The following ARSG variants were observed in gnomAD, a reference collection of about 807,000 sequenced individuals.
ARSG encodes the protein ASG.
A neutral mutation model predicts 50.5 loss-of-function variants in ARSG; 37 were observed. The ratio of observed to expected loss-of-function variants is 0.73; its 90% CI spans 0.56 to 0.96. The LOEUF is 0.96. Among genes scored for constraint, ARSG ranks in the 50% least tolerant of loss-of-function variants. ARSG has a pLI of 0.00. For synonymous variants in ARSG, 225 were observed against 254.6 expected (o/e 0.88, Z 1.11); for missense variants, 629 against 675.3 (o/e 0.93, Z 0.76).
chr17:68,443,599 T>C, the ARSG span, among the ~76,000 whole-genome samples: 13 of 152,152 alleles, frequency 8.5e-5, no homozygotes, highest in Non-Finnish European at 1.8e-4. Flanking sequence ...CCCTGGGAGA[T>C]GGGTATTATT....
At chr17:68,338,922 C>T (rs116162546) in intron 2 of ARSG, among the ~76,000 whole-genome samples, 281 of 152,350 alleles carry the variant, frequency 1.8e-3, no homozygotes, top group African/African-American at 6.6e-3. Context: ...GCCCCAGTAG[C>T]TGTTGCTGCT....
At position 68,419,648 on chromosome 17, in the gene ARSG, G is replaced by A. The variant is rs114636363; in HGVS notation, c.1304-541G>A. Among the ~76,000 whole-genome samples the A allele has an allele frequency of 8.5e-3, 1,296 of 152,264 alleles. 13 individuals carry two copies. Among genetic ancestry groups the A allele is most frequent in the African/African-American group, 0.029 (1,187 of 41,544 alleles). The stretch of plus-strand genomic sequence containing the variant: ...TGAATGTTCTACTGGCCCTGAAGGC[G>A]AGTTCAAGGAGAACTTCCAAATCAT... On this transcript the variant is annotated intron_variant, in intron 11 of 11. Transcript: ENST00000621439.
chr17:68,395,643 AT>A (rs1243150880), intron 10 of ARSG, among the ~76,000 whole-genome samples: 2 of 152,236 alleles, frequency 1.3e-5, no homozygotes, highest in African/African-American at 4.8e-5. Context: ...GGGTGGGTGT[AT>A]ATAGGTTCTC....
At chr17:68,420,908 A>G (rs894988523), downstream of ARSG, 1 of 172,818 alleles carries the variant, frequency 5.8e-6, no homozygotes, top group Non-Finnish European at 1.2e-5. Flanking sequence ...CATTCTAATT[A>G]GTATTTAGGG....
At chr17:68,416,941 ATAAC>A (rs1420357870) in intron 11 of ARSG, among the ~76,000 whole-genome samples, 1 of 152,122 alleles carries the variant, frequency 6.6e-6, no homozygotes, top group African/African-American at 2.4e-5. Flanking sequence ...AATTAGCTTA[ATAAC>A]TAACCTCCTG....
At chr17:68,379,332 C>T (rs185396648) in intron 8 of ARSG, among the ~76,000 whole-genome samples, 53 of 151,376 alleles carry the variant, frequency 3.5e-4, no homozygotes, top group South Asian at 1.0e-3. Context: ...CCTTGACCTC[C>T]GGGGCTCAAG....
Position 68,378,883 on chromosome 17 carries a change from G to A in ARSG, c.983-6181G>A, listed in dbSNP as rs55946942. 1.4e-5 allele frequency among the ~76,000 whole-genome samples: 2 copies of A among 144,880 alleles called. No homozygotes were observed. The highest frequency in any genetic ancestry group is 5.0e-5 in the African/African-American group (2 of 40,060). The stretch of plus-strand genomic sequence containing the variant: ...ATCAGGTTGTTGCATAACCTTTCCC[G>A]CTGGGAAGCAGTCTCTGCATCCTGG... On this transcript the variant is annotated intron_variant, in intron 8 of 11. Coordinates refer to ENST00000621439, the MANE Select transcript of ARSG (RefSeq NM_001267727.2). The surrounding 1 kb of genome is among the most constrained non-coding windows in gnomAD (Gnocchi z 4.4).
Position 68,309,250 on chromosome 17 carries a change from C to T in ARSG, c.218+1539C>T, listed in dbSNP as rs184564094. ...CGCCCACCCGGAACTCCAGCTGGCC[C>T]ACAAGCGCAGCACGCAGCCCCAGTT... On this transcript the variant is annotated intron_variant, in intron 2 of 11. Transcript: ENST00000621439. 3.3e-3 allele frequency among the ~76,000 whole-genome samples: 505 copies of T among 152,366 alleles called. 6 individuals carry two copies. Among genetic ancestry groups the T allele is most frequent in the Middle Eastern group, 3.4e-3 (1 of 294 alleles).
At chr17:68,443,620 C>G in the ARSG span, among the ~76,000 whole-genome samples, 1 of 152,106 alleles carries the variant, frequency 6.6e-6, no homozygotes, top group Non-Finnish European at 1.5e-5. Context: ...CATAAGGGAA[C>G]CAAGGTTCAA....
Position 68,420,277 on chromosome 17 carries a change from A to G in ARSG, c.1392A>G (p.Glu464=), listed in dbSNP as rs1177645815. ...TCAACCTGGAAGACGATACCGCAGA[A>G]GCTGTGCCCCTAGAAAGAGGTGGTG... is the stretch of plus-strand genomic sequence containing the variant. ...LIFNLEDDTA[E]AVPLERGGAE... is the part of the protein sequence containing the mutation. The change falls in exon 12 of 12, where the codon GAA becomes GAG. Residue 464 remains glutamate, a synonymous_variant. Transcript: ENST00000621439. The G allele has an allele frequency of 6.2e-7, 1 of 1,614,040 alleles. No individual in the cohort carries two copies. Among genetic ancestry groups the G allele is most frequent in the Non-Finnish European group, 8.5e-7 (1 of 1,180,034 alleles).
chr17:68,361,114 C>T (rs140382527), intron 6 of ARSG, among the ~76,000 whole-genome samples: 69 of 152,244 alleles, frequency 4.5e-4, no homozygotes, highest in African/African-American at 1.6e-3. Flanking sequence ...TGTGAGCTAC[C>T]GTGCCCGGCC....
intron 6 of ARSG, among the ~76,000 whole-genome samples, chr17:68,361,642 G>A (rs933868549): frequency 3.9e-5 from 6 of 152,106 alleles, no homozygotes; most frequent in East Asian, 1.9e-4. Flanking sequence ...GGCCAGGCAC[G>A]GTGGCTCACG....
chr17:68,290,666 AGGAAG>A (rs2075955192), upstream of ARSG, among the ~76,000 whole-genome samples: 1 of 152,334 alleles, frequency 6.6e-6, no homozygotes, highest in Non-Finnish European at 1.5e-5. Flanking sequence ...AGCCTGGGGT[AGGAAG>A]GTACCTCTGA....
chr17:68,319,492 G>A (rs1555769845), intron 2 of ARSG, among the ~76,000 whole-genome samples: 1 of 152,158 alleles, frequency 6.6e-6, no homozygotes, highest in Non-Finnish European at 1.5e-5. Flanking sequence ...GGGACAGGCA[G>A]GAACACAATG....
At chr17:68,426,254 G>GGGGCCCCCCCC, downstream of ARSG, 3 of 816,902 alleles carry the variant, frequency 3.7e-6, no homozygotes, top group East Asian at 3.5e-5. Context: ...GGGAGCGGGG[G>GGGGCCCCCCCC]CTCAAATAAA....
chr17:68,432,798 A>C, the ARSG span, among the ~76,000 whole-genome samples: 2 of 151,932 alleles, frequency 1.3e-5, no homozygotes, highest in Non-Finnish European at 2.9e-5. Context: ...TTTCTCTAGA[A>C]TCCTTGCCCC....
At chr17:68,359,657 T>TC (rs1233001121) in intron 6 of ARSG, 1 of 152,170 alleles carries the variant, frequency 6.6e-6, no homozygotes, top group African/African-American at 2.4e-5. Context: ...TATGCAGGAA[T>TC]CCCCCACCCC....
chr17:68,344,314 T>C (rs906913223), intron 3 of ARSG, among the ~76,000 whole-genome samples: 5 of 152,174 alleles, frequency 3.3e-5, no homozygotes, highest in African/African-American at 1.2e-4. Context: ...GGGGACAGCA[T>C]TGTAGTGACT....
intron 1 of ARSG, among the ~76,000 whole-genome samples, chr17:68,280,579 A>G (rs1255996869): frequency 2.0e-5 from 3 of 152,228 alleles, no homozygotes; most frequent in Non-Finnish European, 2.9e-5. Context: ...TGAAAACTGG[A>G]TATCAATACA....
Sources: allele counts gnomAD v4.1 joint callset (sites outside exome capture counted in the v4.1 genomes callset), GRCh38; gene constraint gnomAD v4.1.1; non-coding constraint Gnocchi (gnomAD v3.1); transcripts MANE v1.5; gene names NCBI Gene and HGNC (gene_info 2026-07-23, HGNC 2026-07-21).